The following SNTG1 variants were observed in gnomAD, a reference collection of about 807,000 sequenced individuals.
SNTG1 encodes gamma-1-syntrophin.
A neutral mutation model predicts 74.7 loss-of-function variants in SNTG1; 39 were observed. The observed-to-expected ratio is 0.52, with a 90% CI of 0.40 to 0.68. SNTG1 has a LOEUF of 0.68. Ranked by LOEUF, SNTG1 falls within the 30% of genes least tolerant of loss-of-function variation. The probability of loss-of-function intolerance (pLI) is 0.00; values close to 1 mark genes in which losing one functional copy is unlikely to be tolerated. For missense variants in SNTG1, 685 were observed against 609.5 expected, an observed-to-expected ratio of 1.12 and a Z score of -1.30; for synonymous variants, 254 against 217.1, an observed-to-expected ratio of 1.17 and a Z score of -1.49.
At chr8:50,231,638 C>A (rs1267380305) in intron 2 of SNTG1, among the ~76,000 whole-genome samples, 1 of 151,166 alleles carries the variant, frequency 6.6e-6, no homozygotes, top group Non-Finnish European at 1.5e-5. Context: ...AGACTGATTC[C>A]AAATGTTCTC....
chr8:50,348,413 T>C (rs546551313), intron 2 of SNTG1, among the ~76,000 whole-genome samples: 22 of 152,272 alleles, frequency 1.4e-4, no homozygotes, highest in African/African-American at 5.1e-4. Flanking sequence ...TGGAGGGAAA[T>C]GACTAATGTA....
intron 2 of SNTG1, among the ~76,000 whole-genome samples, chr8:50,236,782 G>T (rs1256683276): frequency 6.6e-6 from 1 of 152,000 alleles, no homozygotes; most frequent in East Asian, 1.9e-4. Flanking sequence ...TATATATACA[G>T]ATATAAAATA....
intron 2 of SNTG1, among the ~76,000 whole-genome samples, chr8:50,253,203 C>A (rs1252111428): frequency 6.6e-6 from 1 of 152,098 alleles, no homozygotes; most frequent in Non-Finnish European, 1.5e-5. Flanking sequence ...GTGGGTGGAT[C>A]ACCTGAGGCC....
chr8:50,307,089 A>G (rs2089931215), intron 2 of SNTG1, among the ~76,000 whole-genome samples: 1 of 151,894 alleles, frequency 6.6e-6, no homozygotes, highest in Non-Finnish European at 1.5e-5. Flanking sequence ...TGTTTCTTTG[A>G]CTGAATATAC....
intron 2 of SNTG1, among the ~76,000 whole-genome samples, chr8:50,218,192 A>G (rs2084888141): frequency 6.6e-6 from 1 of 152,212 alleles, no homozygotes; most frequent in African/African-American, 2.4e-5. Flanking sequence ...TAACACTGGC[A>G]ATATACTTAC....
chr8:50,689,837 T>G (rs940093687), intron 15 of SNTG1, among the ~76,000 whole-genome samples: 2 of 152,192 alleles, frequency 1.3e-5, no homozygotes, highest in African/African-American at 4.8e-5. Context: ...CAGCTCCTCT[T>G]TGTACCTCTG....
intron 8 of SNTG1, among the ~76,000 whole-genome samples, chr8:50,500,964 T>G (rs1194524951): frequency 1.3e-5 from 2 of 152,140 alleles, no homozygotes; most frequent in Non-Finnish European, 2.9e-5. Flanking sequence ...AGGAGGATAG[T>G]CTCAGGACCT....
At chr8:50,582,887 C>T (rs2094620329) in intron 12 of SNTG1, among the ~76,000 whole-genome samples, 1 of 151,822 alleles carries the variant, frequency 6.6e-6, no homozygotes, top group African/African-American at 2.4e-5. Flanking sequence ...TACAGAATTC[C>T]CAAGCTCAAA....
At chr8:50,492,753 A>G (rs1468951591) in intron 8 of SNTG1, among the ~76,000 whole-genome samples, 1 of 152,132 alleles carries the variant, frequency 6.6e-6, no homozygotes, top group African/African-American at 2.4e-5. Context: ...CGTATTTGTC[A>G]ATTTTGGCTT....
At chr8:50,506,778 T>G (rs1444635707) in intron 9 of SNTG1, among the ~76,000 whole-genome samples, 1 of 152,064 alleles carries the variant, frequency 6.6e-6, no homozygotes, top group African/African-American at 2.4e-5. Context: ...TACTTCTTCA[T>G]TTGAATTTGG....
chr8:50,505,261 C>A (rs879919948), intron 9 of SNTG1, among the ~76,000 whole-genome samples: 18 of 152,160 alleles, frequency 1.2e-4, no homozygotes, highest in Non-Finnish European at 1.9e-4. Flanking sequence ...ATTGGTTCCA[C>A]ATCTTTGTTA....
At chr8:50,576,725 T>C (rs1029695520) in intron 12 of SNTG1, among the ~76,000 whole-genome samples, 5 of 152,072 alleles carry the variant, frequency 3.3e-5, no homozygotes, top group Non-Finnish European at 5.9e-5. Flanking sequence ...TTTGATACTA[T>C]TATAAATAAA....
chr8:50,393,912 T>A (rs566215292), intron 2 of SNTG1, among the ~76,000 whole-genome samples: 1 of 152,336 alleles, frequency 6.6e-6, no homozygotes, highest in Admixed American at 6.5e-5. Context: ...GAGAAGAGGT[T>A]GATCTGATGA....
At chr8:50,632,116 A>T (rs914558740) in intron 13 of SNTG1, among the ~76,000 whole-genome samples, 4 of 152,130 alleles carry the variant, frequency 2.6e-5, no homozygotes, top group Non-Finnish European at 4.4e-5. Flanking sequence ...AGGATATGGC[A>T]GTCACTAAAG....
At chr8:50,201,459 A>G (rs930133791) in intron 2 of SNTG1, among the ~76,000 whole-genome samples, 1 of 152,308 alleles carries the variant, frequency 6.6e-6, no homozygotes, top group African/African-American at 2.4e-5. Context: ...CAACTAATGA[A>G]CCAATATTAG....
At position 50,096,889 on chromosome 8, in the gene SNTG1, T is replaced by C. The variant is rs112852305; in HGVS notation, c.-102-75672T>C. Among the ~76,000 whole-genome samples, 13 of 152,280 alleles carry C rather than the reference T, an allele frequency of 8.5e-5. 1 individual carries two copies. Among genetic ancestry groups the C allele is most frequent in the African/African-American group, 2.4e-4 (10 of 41,564 alleles). On this transcript the variant is annotated intron_variant, in intron 1 of 18. Coordinates refer to ENST00000642720, the MANE Select transcript of SNTG1 (RefSeq NM_018967.5). ...TATTTGGATCTGAGTATGAAAAAAA[T>C]AGTAGTAGTGTTACTCAAAAAGTAG...
chr8:50,533,487 C>G (rs1223041684), intron 10 of SNTG1, among the ~76,000 whole-genome samples: 9 of 152,034 alleles, frequency 5.9e-5, no homozygotes, highest in Non-Finnish European at 1.0e-4. Flanking sequence ...TAGAGTAGAG[C>G]TATTGAAAAA....
chr8:50,200,155 G>A (rs1431458078), intron 2 of SNTG1, among the ~76,000 whole-genome samples: 2 of 152,096 alleles, frequency 1.3e-5, no homozygotes, highest in African/African-American at 2.4e-5. Context: ...TGCATATAAT[G>A]ACTCACTGAG....
chr8:49,980,521 CAAAAAAAAA>C (rs565561398), intron 1 of SNTG1, among the ~76,000 whole-genome samples: 5 of 53,830 alleles, frequency 9.3e-5, no homozygotes, highest in South Asian at 2.6e-3. Context: ...GACTCCTTCG[CAAAAAAAAA>C]AAAAAAAAAA....
Sources: allele counts gnomAD v4.1 joint callset (sites outside exome capture counted in the v4.1 genomes callset), GRCh38; gene constraint gnomAD v4.1.1; transcripts MANE v1.5; gene names NCBI Gene and HGNC (gene_info 2026-07-23, HGNC 2026-07-21).